Variants in BBS9 observed in about 807,000 individuals in gnomAD.
The protein encoded by BBS9 is Bardet-Biedl syndrome 9, also known as protein PTHB1.
In BBS9, 89 loss-of-function variants were observed where a neutral mutation model predicts 117.7. The observed-to-expected ratio is 0.76, with a 90% confidence interval of 0.64 to 0.90. BBS9 has a LOEUF of 0.90. BBS9 is among the 40% of genes least tolerant of loss of function. The pLI is 0.00. For missense variants in BBS9, 982 were observed against 1,042.2 expected, an observed-to-expected ratio of 0.94 and a Z score of 0.80; for synonymous variants, 379 against 370.9, an observed-to-expected ratio of 1.02 and a Z score of -0.25.
At chr7:33,423,442 C>T (rs1833170618) in intron 19 of BBS9, among the ~76,000 whole-genome samples, 1 of 151,502 alleles carries the variant, frequency 6.6e-6, no homozygotes, top group Non-Finnish European at 1.5e-5. Context: ...ATGAGAAAAA[C>T]AAAGGTTTTT....
At chr7:33,487,305 A>G (rs943742092) in intron 19 of BBS9, among the ~76,000 whole-genome samples, 2 of 152,162 alleles carry the variant, frequency 1.3e-5, no homozygotes, top group African/African-American at 4.8e-5. Flanking sequence ...TTCCATGTAA[A>G]TTAGCTGAAC....
At chr7:33,329,934 TA>T (rs1482772650) in intron 9 of BBS9, among the ~76,000 whole-genome samples, 1 of 152,176 alleles carries the variant, frequency 6.6e-6, no homozygotes, top group Non-Finnish European at 1.5e-5. Context: ...AGATGGCCTT[TA>T]TTTAACCTTT....
chr7:33,242,131 G>A (rs2160255), intron 5 of BBS9, among the ~76,000 whole-genome samples: 75,515 of 151,884 alleles, frequency 0.5, 19,124 homozygotes, highest in Admixed American at 0.58. Flanking sequence ...TTCTTGGGTC[G>A]TCCAATAGAA....
At chr7:33,492,064 G>C (rs373958793) in intron 19 of BBS9, among the ~76,000 whole-genome samples, 33 of 151,714 alleles carry the variant, frequency 2.2e-4, no homozygotes, top group African/African-American at 6.8e-4. Flanking sequence ...TTAGCTGGGC[G>C]TGGTGGCGAA....
chr7:33,632,107 G>A (rs1012868167), intron 21 of BBS9, among the ~76,000 whole-genome samples: 2 of 152,190 alleles, frequency 1.3e-5, no homozygotes, highest in Non-Finnish European at 2.9e-5. Flanking sequence ...ATGGAATATG[G>A]CATAAGGAGA....
chr7:33,388,279 T>G, intron 19 of BBS9, 135 bp downstream of exon 19: 1 of 1,096,778 alleles, frequency 9.1e-7, no homozygotes, highest in Non-Finnish European at 1.3e-6. Context: ...TGCACAAGCT[T>G]TAGAGTCAGA....
intron 5 of BBS9, among the ~76,000 whole-genome samples, chr7:33,204,113 G>T (rs1174977392): frequency 7.5e-5 from 11 of 146,832 alleles, no homozygotes; most frequent in Admixed American, 2.7e-4. Flanking sequence ...ATGATTAAAA[G>T]ATATTTTAGG....
intron 9 of BBS9, among the ~76,000 whole-genome samples, chr7:33,311,999 C>A (rs1809357217): frequency 6.6e-6 from 1 of 152,116 alleles, no homozygotes; most frequent in East Asian, 1.9e-4. Context: ...ATCCAAGAAA[C>A]ATTTGCATTT....
chr7:33,581,107 A>T (rs1859819135), intron 21 of BBS9, among the ~76,000 whole-genome samples: 1 of 151,770 alleles, frequency 6.6e-6, no homozygotes, highest in Non-Finnish European at 1.5e-5. Context: ...AGAGAGAGAG[A>T]GAGAGAGAGG....
At chr7:33,382,079 G>A (rs924253861) in intron 17 of BBS9, among the ~76,000 whole-genome samples, 3 of 152,172 alleles carry the variant, frequency 2.0e-5, no homozygotes, top group Non-Finnish European at 4.4e-5. Flanking sequence ...TGTACTCCCA[G>A]TGTGTCTCTT....
intron 9 of BBS9, among the ~76,000 whole-genome samples, chr7:33,302,920 A>G (rs1229832981): frequency 6.6e-6 from 1 of 152,066 alleles, no homozygotes; most frequent in Non-Finnish European, 1.5e-5. Flanking sequence ...AACATGGAAC[A>G]TTTTTCCATT....
chr7:33,615,489 G>A (rs1451335714), intron 21 of BBS9, among the ~76,000 whole-genome samples: 1 of 151,916 alleles, frequency 6.6e-6, no homozygotes, highest in Non-Finnish European at 1.5e-5. Flanking sequence ...CATGGCTGAG[G>A]AAAGAATTTC....
chr7:33,617,235 G>A (rs1865186174), intron 21 of BBS9, among the ~76,000 whole-genome samples: 1 of 151,918 alleles, frequency 6.6e-6, no homozygotes, highest in African/African-American at 2.4e-5. Flanking sequence ...TCTTGTCAAC[G>A]AGAAATTCAT....
intron 9 of BBS9, among the ~76,000 whole-genome samples, chr7:33,321,027 T>G (rs1213863193): frequency 6.6e-6 from 1 of 152,080 alleles, no homozygotes; most frequent in Non-Finnish European, 1.5e-5. Flanking sequence ...TATCAAAAAT[T>G]ATTTCACTGT....
chr7:33,272,497 C>T (rs1343702135), intron 7 of BBS9, among the ~76,000 whole-genome samples: 4 of 152,068 alleles, frequency 2.6e-5, no homozygotes. Context: ...TTCATTCTTT[C>T]ATTACTTTAA....
chr7:33,155,854 T>C (rs1229491016), intron 4 of BBS9, 152 bp downstream of exon 4: 1 of 553,122 alleles, frequency 1.8e-6, no homozygotes, highest in Non-Finnish European at 3.3e-6. Context: ...CCATTTTTCA[T>C]TTATTCTTTC....
chr7:33,527,433 T>G (rs921224535), intron 20 of BBS9, among the ~76,000 whole-genome samples: 1 of 152,118 alleles, frequency 6.6e-6, no homozygotes, highest in Non-Finnish European at 1.5e-5. Flanking sequence ...GAGCCAGGTG[T>G]GGGATATAGT....
intron 19 of BBS9, among the ~76,000 whole-genome samples, chr7:33,424,345 T>C (rs1372691739): frequency 6.6e-6 from 1 of 152,200 alleles, no homozygotes; most frequent in Non-Finnish European, 1.5e-5. Flanking sequence ...ATGTATACAT[T>C]TGACACTTTA....
intron 5 of BBS9, among the ~76,000 whole-genome samples, chr7:33,194,348 C>A (rs1784616001): frequency 1.3e-5 from 2 of 152,158 alleles, no homozygotes; most frequent in Admixed American, 1.3e-4. Context: ...ACAAAATGCA[C>A]CAAGTCCAGC....
Sources: allele counts gnomAD v4.1 joint callset (sites outside exome capture counted in the v4.1 genomes callset), GRCh38; gene constraint gnomAD v4.1.1; transcripts MANE v1.5; gene names NCBI Gene and HGNC (gene_info 2026-07-23, HGNC 2026-07-21).